Variants in U2SURP observed in about 807,000 individuals in gnomAD.
U2SURP encodes the protein U2 snRNP associated SURP domain containing.
Under a neutral mutation model 144.9 loss-of-function variants are expected in U2SURP, and 9 were observed. The observed-to-expected ratio is 0.06, with a 90% confidence interval of 0.04 to 0.11. The LOEUF is 0.11. Ranked by LOEUF, U2SURP falls within the 10% of genes least tolerant of loss-of-function variation. The pLI, the probability that U2SURP is intolerant of heterozygous loss-of-function variation, is 1.00. For missense variants in U2SURP, 724 were observed against 1,226.7 expected (o/e 0.59, Z 6.12); for synonymous variants, 408 against 396.8 (o/e 1.03, Z -0.33).
At chr3:143,056,255 A>G (rs939894362) in intron 27 of U2SURP, 57 bp from the exon 28 acceptor site, 2 of 1,525,524 alleles carry the variant, frequency 1.3e-6, no homozygotes, top group Admixed American at 4.4e-5. Flanking sequence ...TTAAGGATAA[A>G]CAGTTTTGAT....
At position 143,012,306 on chromosome 3, in the gene U2SURP, A is replaced by G; in HGVS notation, c.175A>G (p.Ser59Gly). Residue 59 changes from serine (S) to glycine (G), a missense_variant, in exon 3 of 28, where the codon AGT becomes GGT. Ser to Gly is a moderately conservative substitution (Grantham distance 56, BLOSUM62 0). This residue lies in a region of U2SURP where 127 missense variants were observed against 98.2 expected (regional missense o/e 1.29). Coordinates refer to ENST00000473835, the MANE Select transcript of U2SURP (RefSeq NM_001080415.2). The stretch of plus-strand genomic sequence containing the variant: ...AAGAAAACATAATTATAGGAATGAA[A>G]GTGCCCGTGAAAGCCTTTGTGATTC... ...SPRKHNYRNESARESLCDSPH... is the reference protein window; with the variant it reads ...SPRKHNYRNEGARESLCDSPH... 6.2e-7 allele frequency: 1 copy of G among 1,613,278 alleles called. No individual in the cohort carries two copies. The highest frequency in any genetic ancestry group is 8.5e-7 in the Non-Finnish European group (1 of 1,179,458).
At chr3:143,027,579 T>C (rs1034810936) in intron 14 of U2SURP, among the ~76,000 whole-genome samples, 1 of 152,240 alleles carries the variant, frequency 6.6e-6, no homozygotes, top group Non-Finnish European at 1.5e-5. Flanking sequence ...TTTAGCATAA[T>C]GTCCTCAGGA....
chr3:143,050,010 A>G (rs944247662), intron 24 of U2SURP, among the ~76,000 whole-genome samples: 1 of 152,088 alleles, frequency 6.6e-6, no homozygotes, highest in East Asian at 1.9e-4. Context: ...GCTGCAATGA[A>G]TATCTTGTAA....
intron 24 of U2SURP, among the ~76,000 whole-genome samples, chr3:143,044,881 T>G (rs1408337421): frequency 2.0e-5 from 3 of 152,228 alleles, no homozygotes; most frequent in African/African-American, 7.2e-5. Context: ...TAACCTTATG[T>G]AGAGTCAGCG....
chr3:143,018,404 C>A lies in U2SURP; in HGVS notation c.570+1429C>A, dbSNP rs557606869. 5.9e-5 allele frequency among the ~76,000 whole-genome samples: 9 copies of A among 152,202 alleles called. No homozygotes were observed. In the South Asian group the frequency reaches 1.0e-3, roughly 18 times the overall value. On this transcript the variant is annotated intron_variant, in intron 6 of 27. Transcript: ENST00000473835. The stretch of plus-strand genomic sequence containing the variant: ...TTCCTTTTTGTGGTTGAATAATACT[C>A]CATTTTATGGACATACCATATATTG...
chr3:143,037,593 A>G (rs905564150), intron 21 of U2SURP, among the ~76,000 whole-genome samples: 1 of 152,036 alleles, frequency 6.6e-6, no homozygotes, highest in African/African-American at 2.4e-5. Context: ...CTCCTATAAT[A>G]TTAGCAAGTT....
chr3:143,027,751 G>A (rs1473189977), intron 14 of U2SURP, among the ~76,000 whole-genome samples: 1 of 152,138 alleles, frequency 6.6e-6, no homozygotes, highest in African/African-American at 2.4e-5. Flanking sequence ...AAAAGTATGG[G>A]ATTAGTTCTG....
At chr3:143,003,404 A>G (rs1465216839) in intron 1 of U2SURP, among the ~76,000 whole-genome samples, 1 of 152,208 alleles carries the variant, frequency 6.6e-6, no homozygotes, top group Non-Finnish European at 1.5e-5. Context: ...TTGCGATAAT[A>G]AGGCAGATTG....
intron 25 of U2SURP, among the ~76,000 whole-genome samples, chr3:143,053,200 A>T (rs934332306): frequency 1.3e-5 from 2 of 152,072 alleles, no homozygotes; most frequent in Non-Finnish European, 2.9e-5. Context: ...AGGGCAGTAC[A>T]TTGTTAGCTT....
At chr3:143,013,825 C>T (rs929234541) in intron 3 of U2SURP, among the ~76,000 whole-genome samples, 5 of 151,840 alleles carry the variant, frequency 3.3e-5, no homozygotes, top group East Asian at 1.9e-4. Context: ...GTATTATTGA[C>T]GAAGAATGAG....
chr3:143,039,412 T>C (rs1404286407), intron 23 of U2SURP, among the ~76,000 whole-genome samples: 2 of 151,940 alleles, frequency 1.3e-5, no homozygotes, highest in East Asian at 3.9e-4. Flanking sequence ...AAGGAAAAAA[T>C]CTTTTCTTTT....
Position 143,056,573 on chromosome 3 carries a change from T to A in U2SURP, c.*123T>A. On this transcript the variant is annotated 3_prime_UTR_variant, in exon 28 of 28. Coordinates refer to ENST00000473835, the MANE Select transcript of U2SURP (RefSeq NM_001080415.2). Reference sequence around the variant, plus strand: ...ATTCCTGGGGTTTTTTGTTTGTTTGTGTATGCATGTGTAAACTCATGAGCA... The same window carrying A: ...ATTCCTGGGGTTTTTTGTTTGTTTGAGTATGCATGTGTAAACTCATGAGCA... 1 of 1,141,664 alleles carries A rather than the reference T, an allele frequency of 8.8e-7. No homozygotes were observed. The allele number at this position is 1,141,664 out of a possible 1,614,324, so 70.7% of individuals were successfully genotyped here.
chr3:143,045,300 C>T (rs1404905186), intron 24 of U2SURP, among the ~76,000 whole-genome samples: 6 of 141,734 alleles, frequency 4.2e-5, no homozygotes, highest in African/African-American at 1.0e-4. Context: ...ACCCAGGAGG[C>T]GGAGCTTGCA....
intron 13 of U2SURP, chr3:143,026,431 G>A (rs1334719908): frequency 6.6e-6 from 1 of 152,102 alleles, no homozygotes; most frequent in Non-Finnish European, 1.5e-5. Context: ...TTCATTGATT[G>A]ATAGTGTACA....
chr3:143,022,463 T>C, intron 10 of U2SURP, 34 bp from the exon 11 acceptor site: 1 of 1,437,560 alleles, frequency 7.0e-7, no homozygotes, highest in South Asian at 1.7e-5. Context: ...TTTCCCTTTT[T>C]TGCATAATAA....
intron 16 of U2SURP, among the ~76,000 whole-genome samples, chr3:143,031,285 C>G (rs1351987963): frequency 1.3e-5 from 2 of 152,186 alleles, no homozygotes; most frequent in African/African-American, 4.8e-5. Flanking sequence ...TTTGGCAAGA[C>G]ATTCTCCTCT....
intron 25 of U2SURP, among the ~76,000 whole-genome samples, chr3:143,053,177 G>T (rs915661764): frequency 5.3e-5 from 8 of 151,930 alleles, no homozygotes; most frequent in African/African-American, 1.5e-4. Context: ...CTATTTTATT[G>T]TAACTTATGG....
chr3:143,049,093 TA>T (rs368050643), intron 24 of U2SURP, among the ~76,000 whole-genome samples: 470 of 126,914 alleles, frequency 3.7e-3, no homozygotes, highest in African/African-American at 3.9e-3. Context: ...TGTCTCTGCT[TA>T]AAAAAAAAAA....
chr3:143,027,142 G>T lies in U2SURP; in HGVS notation c.1275-7G>T. Reference sequence around the variant, plus strand: ...ATCCATTTTCTTTAACTGTGTTGTTGTTGTAGGAATTTGCTCGCCCTGATA... The same window carrying T: ...ATCCATTTTCTTTAACTGTGTTGTTTTTGTAGGAATTTGCTCGCCCTGATA... On this transcript the variant is annotated splice_region_variant and splice_polypyrimidine_tract_variant and intron_variant, in intron 13 of 27. Transcript: ENST00000473835. 1 of 1,608,244 alleles carries T rather than the reference G, an allele frequency of 6.2e-7. No individual in the cohort carries two copies. The highest frequency in any genetic ancestry group is 1.3e-5 in the African/African-American group (1 of 74,848).
Sources: allele counts gnomAD v4.1 joint callset (sites outside exome capture counted in the v4.1 genomes callset), GRCh38; gene constraint gnomAD v4.1.1; regional missense constraint gnomAD v4.1.1; transcripts MANE v1.5; gene names NCBI Gene and HGNC (gene_info 2026-07-23, HGNC 2026-07-21).